ZNF385D: variants seen among roughly 807,000 people sequenced by gnomAD.
ZNF385D encodes the protein zinc finger protein 385D.
ZNF385D carries 15 observed loss-of-function variants against 35.8 expected under a neutral mutation model. The ratio of observed to expected loss-of-function variants is 0.42; its 90% CI spans 0.28 to 0.64. The LOEUF (loss-of-function observed/expected upper bound fraction) is 0.64. Among genes scored for constraint, ZNF385D ranks in the 30% least tolerant of loss-of-function variants. The pLI, the probability that ZNF385D is intolerant of heterozygous loss-of-function variation, is 0.23. For synonymous variants in ZNF385D, 212 were observed against 186.8 expected (o/e 1.13, Z -1.10); for missense variants, 474 against 494.6 (o/e 0.96, Z 0.39).
chr3:21,693,301 C>T (rs1418835558), intron 1 of ZNF385D, among the ~76,000 whole-genome samples: 1 of 152,166 alleles, frequency 6.6e-6, no homozygotes, highest in East Asian at 1.9e-4. Flanking sequence ...AGACTATTGT[C>T]CACAGCAACG....
chr3:21,756,218 G>A (rs759335435), intron 3 of ZNF385D, among the ~76,000 whole-genome samples: 41 of 152,074 alleles, frequency 2.7e-4, no homozygotes, highest in Non-Finnish European at 4.4e-4. Context: ...AAACAGTGGC[G>A]GTAGAAAAAG....
chr3:21,659,804 T>C (rs778217288), intron 2 of ZNF385D, among the ~76,000 whole-genome samples: 1 of 151,948 alleles, frequency 6.6e-6, no homozygotes, highest in Admixed American at 6.6e-5. Context: ...TGTCTGGGAG[T>C]GTAAAAATTG....
At chr3:22,180,243 T>C (rs1195006381) in intron 2 of ZNF385D, among the ~76,000 whole-genome samples, 1 of 152,162 alleles carries the variant, frequency 6.6e-6, no homozygotes, top group African/African-American at 2.4e-5. Flanking sequence ...CAGGAAGAAG[T>C]TGAATCTCTG....
chr3:21,595,162 AC>A (rs1207165559), intron 2 of ZNF385D, among the ~76,000 whole-genome samples: 1 of 151,994 alleles, frequency 6.6e-6, no homozygotes, highest in African/African-American at 2.4e-5. Context: ...TATCCATCAG[AC>A]CCCACCCAGT....
rs550599612 is a variant in ZNF385D, at chr3:22,075,460, G to A, written c.325+93357C>T. 3.0e-4 allele frequency among the ~76,000 whole-genome samples: 45 copies of A among 151,916 alleles called. 1 individual carries two copies. The highest frequency in any genetic ancestry group is 2.3e-3 in the Admixed American group (35 of 15,210). On this transcript the variant is annotated intron_variant, in intron 3 of 5. Coordinates refer to the ZNF385D transcript ENST00000494108. ...GAACTTCATATTGCCAGAGCCAAAT[G>A]ATGATTCTCTGCCCTCATCATCCCT...
At chr3:22,024,664 G>C (rs1257010493) in intron 3 of ZNF385D, among the ~76,000 whole-genome samples, 4 of 152,124 alleles carry the variant, frequency 2.6e-5, no homozygotes. Context: ...ACTGTTTAGA[G>C]AGTTATGCAA....
chr3:21,862,256 T>C (rs9836266), intron 3 of ZNF385D, among the ~76,000 whole-genome samples: 3,703 of 151,918 alleles, frequency 0.024, 161 homozygotes, highest in African/African-American at 0.083. Context: ...AGAAGCATCA[T>C]TGATGAATTC....
In ZNF385D at chr3:21,915,332, G is replaced by A. The variant is rs192068566; in HGVS notation, c.326-250304C>T. ...TTGAGTTTATTTTTCTTTAAGATTA[G>A]TATTATTATTATTGCAGGTATTTGC... On this transcript the variant is annotated intron_variant, in intron 3 of 5. Coordinates refer to the ZNF385D transcript ENST00000494108. Among the ~76,000 whole-genome samples, 3 of 152,114 alleles carry A rather than the reference G, an allele frequency of 2.0e-5. No individual in the cohort carries two copies. The East Asian group carries it at 5.8e-4, about 29-fold the overall frequency.
intron 3 of ZNF385D, among the ~76,000 whole-genome samples, chr3:21,763,138 T>TTAGAG (rs1379111718): frequency 6.6e-6 from 1 of 152,120 alleles, no homozygotes; most frequent in African/African-American, 2.4e-5. Context: ...GATGGACAGT[T>TTAGAG]TAGAGAAAAA....
intron 4 of ZNF385D, among the ~76,000 whole-genome samples, chr3:21,486,102 A>G (rs1388531632): frequency 7.2e-6 from 1 of 138,138 alleles, no homozygotes; most frequent in Non-Finnish European, 1.5e-5. Flanking sequence ...CTGCCAATTT[A>G]GAAGTTGGCC....
intron 3 of ZNF385D, among the ~76,000 whole-genome samples, chr3:21,543,715 G>A (rs2062267626): frequency 6.6e-6 from 1 of 152,186 alleles, no homozygotes; most frequent in African/African-American, 2.4e-5. Context: ...TGTCCTGTCA[G>A]CAAGTTAACT....
chr3:21,988,817 C>T (rs888630819), intron 3 of ZNF385D, among the ~76,000 whole-genome samples: 29 of 152,160 alleles, frequency 1.9e-4, no homozygotes, highest in Admixed American at 5.9e-4. Flanking sequence ...TAGCAATCAG[C>T]GAGACTCCGT....
chr3:22,000,267 G>A (rs1015914821), intron 3 of ZNF385D, among the ~76,000 whole-genome samples: 25 of 151,212 alleles, frequency 1.7e-4, no homozygotes, highest in African/African-American at 6.1e-4. Context: ...ATCATGCCAC[G>A]GCACTCCAGC....
At chr3:22,252,157 A>G (rs964308054) in intron 2 of ZNF385D, among the ~76,000 whole-genome samples, 1 of 152,032 alleles carries the variant, frequency 6.6e-6, no homozygotes, top group African/African-American at 2.4e-5. Flanking sequence ...GACTGTGATA[A>G]TATTATTTGC....
chr3:22,285,110 T>C (rs1230018214), intron 2 of ZNF385D, among the ~76,000 whole-genome samples: 1 of 152,162 alleles, frequency 6.6e-6, no homozygotes, highest in Non-Finnish European at 1.5e-5. Flanking sequence ...TCAGCATTGA[T>C]TAGAGGTAGT....
intron 2 of ZNF385D, among the ~76,000 whole-genome samples, chr3:22,346,496 G>A (rs1321113033): frequency 6.6e-6 from 1 of 152,042 alleles, no homozygotes; most frequent in Admixed American, 6.5e-5. Flanking sequence ...TTTATCCCAA[G>A]AACAACTTAC....
At chr3:22,261,983 G>A (rs1700657200) in intron 2 of ZNF385D, among the ~76,000 whole-genome samples, 1 of 151,836 alleles carries the variant, frequency 6.6e-6, no homozygotes, top group Non-Finnish European at 1.5e-5. Context: ...CTTCTTTAAA[G>A]GAAGCCTGAC....
chr3:21,423,847 T>A (rs934288837), intron 7 of ZNF385D, 116 bp downstream of exon 7: 3 of 913,040 alleles, frequency 3.3e-6, no homozygotes, highest in African/African-American at 3.5e-5. Flanking sequence ...TGAACTCAAC[T>A]CAAAAAGGTA....
At chr3:22,178,162 C>T (rs7429433) in intron 2 of ZNF385D, among the ~76,000 whole-genome samples, 26,582 of 152,030 alleles carry the variant, frequency 0.17, 2,495 homozygotes, top group East Asian at 0.31. Context: ...ATCGCCACAC[C>T]GACTTCCACA....
Sources: gnomAD v4.1 joint callset for allele counts (sites outside exome capture counted in the v4.1 genomes callset) on GRCh38, gnomAD v4.1.1 for gene constraint, MANE v1.5 for transcripts, NCBI Gene and HGNC (gene_info 2026-07-23, HGNC 2026-07-21) for gene names.